The following NAALADL2 variants were observed in gnomAD, a reference collection of about 807,000 sequenced individuals.
NAALADL2 encodes the protein inactive N-acetylated-alpha-linked acidic dipeptidase-like protein 2.
Under a neutral mutation model 87.2 loss-of-function variants are expected in NAALADL2, and 76 were observed. That is an observed-to-expected ratio of 0.87 (90% CI 0.72 to 1.05). The LOEUF (loss-of-function observed/expected upper bound fraction) is 1.05. Among genes scored for constraint, NAALADL2 ranks in the 50% least tolerant of loss-of-function variants. The pLI is 0.00. For missense variants in NAALADL2, 1,089 were observed against 945.8 expected (o/e 1.15, Z -1.99); for synonymous variants, 354 against 331.0 (o/e 1.07, Z -0.75).
At chr3:175,266,476 T>C (rs1751951565) in intron 4 of NAALADL2, among the ~76,000 whole-genome samples, 1 of 151,566 alleles carries the variant, frequency 6.6e-6, no homozygotes, top group South Asian at 2.1e-4. Context: ...TTAGATAAAG[T>C]TATATTTATT....
At position 175,154,365 on chromosome 3, in the gene NAALADL2, A is replaced by G. The variant is rs558815424; in HGVS notation, c.545+57074A>G. Reference sequence around the variant, plus strand: ...AAAAAAGGTAAATCTTAATTCTTATAGAGACAACACACTGTTTAAGTTAAG... The same window carrying G: ...AAAAAAGGTAAATCTTAATTCTTATGGAGACAACACACTGTTTAAGTTAAG... On this transcript the variant is annotated intron_variant, in intron 2 of 13. Transcript: ENST00000454872. 2.6e-5 allele frequency among the ~76,000 whole-genome samples: 4 copies of G among 152,312 alleles called. No individual in the cohort carries two copies. In the South Asian group the frequency reaches 8.3e-4, roughly 32 times the overall value.
At chr3:175,086,778 A>C (rs1189737706) in intron 1 of NAALADL2, among the ~76,000 whole-genome samples, 2 of 152,126 alleles carry the variant, frequency 1.3e-5, no homozygotes, top group Non-Finnish European at 2.9e-5. Context: ...ACCCAAAACT[A>C]TTAGTAGACA....
chr3:175,455,666 C>A (rs1581958837), intron 6 of NAALADL2, among the ~76,000 whole-genome samples: 1 of 152,106 alleles, frequency 6.6e-6, no homozygotes, highest in Non-Finnish European at 1.5e-5. Flanking sequence ...CAGGGGATAG[C>A]TATATGTACT....
chr3:175,340,200 G>T (rs191405074), intron 5 of NAALADL2, among the ~76,000 whole-genome samples: 68 of 152,198 alleles, frequency 4.5e-4, no homozygotes, highest in Middle Eastern at 3.4e-3. Context: ...ATTTTCTCTT[G>T]TTAAGTATAA....
intron 5 of NAALADL2, among the ~76,000 whole-genome samples, chr3:175,408,028 C>T (rs1712726834): frequency 6.6e-6 from 1 of 152,044 alleles, no homozygotes; most frequent in African/African-American, 2.4e-5. Context: ...AACTTTTTCT[C>T]ACAAAGACGA....
In NAALADL2 at chr3:175,055,980, C is replaced by T. The variant is rs192523280; in HGVS notation, c.44-40810C>T. Among the ~76,000 whole-genome samples, 719 of 152,170 alleles carry T rather than the reference C, an allele frequency of 4.7e-3. 3 individuals carry two copies. Among genetic ancestry groups the T allele is most frequent in the Non-Finnish European group, 4.0e-3 (269 of 68,004 alleles). ...TATAATATTTCCCTGTTGATCTGGG[C>T]GGTGTATTCTAACAGGGGACTGCCA... On this transcript the variant is annotated intron_variant, in intron 1 of 13. Transcript: ENST00000454872.
At chr3:174,850,802 G>A (rs534896062) in intron 3 of NAALADL2, among the ~76,000 whole-genome samples, 3 of 152,102 alleles carry the variant, frequency 2.0e-5, no homozygotes, top group South Asian at 2.1e-4. Context: ...AACAAATGCA[G>A]AATGCACATT....
At chr3:175,258,843 A>G (rs1011361892) in intron 4 of NAALADL2, among the ~76,000 whole-genome samples, 1 of 152,192 alleles carries the variant, frequency 6.6e-6, no homozygotes, top group Non-Finnish European at 1.5e-5. Flanking sequence ...AAATACAAAA[A>G]TAAATTATCT....
chr3:175,385,566 G>C (rs956648895), intron 5 of NAALADL2, among the ~76,000 whole-genome samples: 1 of 152,040 alleles, frequency 6.6e-6, no homozygotes, highest in East Asian at 1.9e-4. Context: ...CAATAGATTA[G>C]CAAAGCGAAT....
chr3:174,857,220 C>A (rs1318872293), upstream of NAALADL2, among the ~76,000 whole-genome samples: 1 of 152,082 alleles, frequency 6.6e-6, no homozygotes, highest in Non-Finnish European at 1.5e-5. Context: ...AAAAAACGTC[C>A]TGGAAGAAAT....
At chr3:175,525,812 T>C (rs1469153758) in intron 9 of NAALADL2, among the ~76,000 whole-genome samples, 1 of 152,206 alleles carries the variant, frequency 6.6e-6, no homozygotes, top group Non-Finnish European at 1.5e-5. Flanking sequence ...TAAATGATTA[T>C]ATATTTGTAA....
At chr3:174,616,569 T>C (rs1328286729) in intron 2 of NAALADL2, among the ~76,000 whole-genome samples, 1 of 151,908 alleles carries the variant, frequency 6.6e-6, no homozygotes, top group Non-Finnish European at 1.5e-5. Context: ...CATAGAATAA[T>C]GTAGGAAGCT....
chr3:175,283,547 A>C (rs991432862), intron 4 of NAALADL2, among the ~76,000 whole-genome samples: 1 of 152,142 alleles, frequency 6.6e-6, no homozygotes, highest in South Asian at 2.1e-4. Context: ...TGTTATGAAA[A>C]GAAAAAAATA....
At chr3:175,731,181 T>A (rs1054754750) in intron 11 of NAALADL2, among the ~76,000 whole-genome samples, 84 of 152,268 alleles carry the variant, frequency 5.5e-4, no homozygotes, top group African/African-American at 1.9e-3. Flanking sequence ...GGCCTTCAAA[T>A]CAATGACACT....
intron 1 of NAALADL2, among the ~76,000 whole-genome samples, chr3:174,515,258 C>T (rs1355970569): frequency 6.6e-6 from 1 of 152,034 alleles, no homozygotes; most frequent in East Asian, 1.9e-4. Context: ...TCTTTTAAGA[C>T]TTGTAACTGT....
At chr3:174,997,476 A>C (rs532712652) in intron 1 of NAALADL2, among the ~76,000 whole-genome samples, 1 of 152,286 alleles carries the variant, frequency 6.6e-6, no homozygotes, top group Admixed American at 6.5e-5. Flanking sequence ...AGAAGAAAAC[A>C]AATGGATATT....
intron 4 of NAALADL2, chr3:175,271,010 A>G (rs1027166645): frequency 2.6e-5 from 4 of 152,224 alleles, no homozygotes; most frequent in Admixed American, 1.3e-4. Flanking sequence ...AAAAATTCAT[A>G]TATGTATAAA....
chr3:174,854,648 A>T (rs973127867), upstream of NAALADL2, among the ~76,000 whole-genome samples: 1 of 152,140 alleles, frequency 6.6e-6, no homozygotes, highest in Non-Finnish European at 1.5e-5. Context: ...TACCACATAC[A>T]TAGGTACAAC....
chr3:174,837,101 ACAAAC>A (rs1445007624), intron 3 of NAALADL2, among the ~76,000 whole-genome samples: 2 of 152,176 alleles, frequency 1.3e-5, no homozygotes, highest in Non-Finnish European at 2.9e-5. Context: ...AGAAACAAGA[ACAAAC>A]CAAACCCACA....
Sources: gnomAD v4.1 joint callset for allele counts (sites outside exome capture counted in the v4.1 genomes callset) on GRCh38, gnomAD v4.1.1 for gene constraint, MANE v1.5 for transcripts, NCBI Gene and HGNC (gene_info 2026-07-23, HGNC 2026-07-21) for gene names.